The following GCNT4 variants were observed in gnomAD, a reference collection of about 807,000 sequenced individuals.
GCNT4 encodes beta-1,3-galactosyl-O-glycosyl-glycoprotein beta-1,6-N-acetylglucosaminyltransferase 4.
GCNT4 carries 17 observed loss-of-function variants against 31.3 expected under a neutral mutation model. That is an observed-to-expected ratio of 0.54 (90% CI 0.37 to 0.81). GCNT4 has a LOEUF of 0.81. Ranked by LOEUF, GCNT4 falls within the 40% of genes least tolerant of loss-of-function variation. The pLI, the probability that GCNT4 is intolerant of heterozygous loss-of-function variation, is 0.00. For synonymous variants in GCNT4, 158 were observed against 190.6 expected, an observed-to-expected ratio of 0.83 and a Z score of 1.41; for missense variants, 503 against 525.5, an observed-to-expected ratio of 0.96 and a Z score of 0.42.
chr5:75,052,132 A>T (rs1047586743), intron 2 of GCNT4, 37 bp downstream of exon 2: 15 of 151,968 alleles, frequency 9.9e-5, no homozygotes, highest in Admixed American at 3.9e-4. Flanking sequence ...ATGTTTTATG[A>T]ATGCAAGATC....
downstream of GCNT4, among the ~76,000 whole-genome samples, chr5:75,021,475 A>C (rs1742880000): frequency 6.6e-6 from 1 of 152,192 alleles, no homozygotes; most frequent in South Asian, 2.1e-4. Context: ...AGTAGCCAGG[A>C]GGGCTCTTTG....
intron 3 of GCNT4, among the ~76,000 whole-genome samples, chr5:75,036,981 A>G (rs116430926): frequency 0.019 from 2,941 of 152,318 alleles, 103 homozygotes; most frequent in African/African-American, 0.065. Context: ...AGGCCACCTT[A>G]AAGTTCTTAA....
rs73765649 is a variant in GCNT4 at position 75,031,587 on chromosome 5, T to C, written c.-1-1549A>G. On this transcript the variant is annotated intron_variant, in intron 3 of 3. Transcript: ENST00000652361. ...CAGCTGTAGTGTTTCCAAAAGGATA[T>C]TGTATACACACAACACTGGTAACGG... is the stretch of plus-strand genomic sequence containing the variant. Among the ~76,000 whole-genome samples, 1,515 of 152,282 alleles carry C rather than the reference T, an allele frequency of 9.9e-3. 17 individuals are homozygous for C. The highest frequency in any genetic ancestry group is 0.032 in the African/African-American group (1,350 of 41,554).
chr5:75,025,914 T>C lies in GCNT4; in HGVS notation c.*2762A>G, dbSNP rs1036507637. 12 of 152,100 alleles carry C rather than the reference T, an allele frequency of 7.9e-5. No homozygotes were observed. Among genetic ancestry groups the C allele is most frequent in the Non-Finnish European group, 1.6e-4 (11 of 68,008 alleles). 9.4% of individuals were successfully genotyped at this position (152,100 alleles called of 1,614,324 possible). A position where few individuals can be genotyped will look rare whatever the true frequency, so the allele number is the denominator to read the frequency against. On this transcript the variant is annotated 3_prime_UTR_variant, in exon 4 of 4. Transcript: ENST00000652361. ...TAACTTAAAGTCTAGATTCAATAAA[T>C]ACAAAGAATAATTATAAAACACAGA...
At chr5:75,042,498 T>A (rs927659367) in intron 3 of GCNT4, among the ~76,000 whole-genome samples, 1 of 152,184 alleles carries the variant, frequency 6.6e-6, no homozygotes, top group Non-Finnish European at 1.5e-5. Context: ...GAGGTATGGG[T>A]AACTGATTTC....
Position 75,028,314 on chromosome 5 carries a change from T to C in GCNT4, c.*362A>G, listed in dbSNP as rs758393170. Reference sequence around the variant, plus strand: ...AACTTCAAAAGCTTCTTCAGTAGAATCCTGACTGTTATGTGGAGAACTTAA... The same window carrying C: ...AACTTCAAAAGCTTCTTCAGTAGAACCCTGACTGTTATGTGGAGAACTTAA... On this transcript the variant is annotated 3_prime_UTR_variant, in exon 4 of 4. Transcript: ENST00000652361. 3 of 197,348 alleles carry C rather than the reference T, an allele frequency of 1.5e-5. No homozygotes were observed. Among genetic ancestry groups the C allele is most frequent in the African/African-American group, 2.4e-5 (1 of 42,302 alleles). 12.2% of individuals were successfully genotyped at this position (197,348 alleles called of 1,614,324 possible). A position where few individuals can be genotyped will look rare whatever the true frequency, so the allele number is the denominator to read the frequency against.
Position 75,028,620 on chromosome 5 carries a change from A to T in GCNT4, c.*56T>A. The T allele has an allele frequency of 6.6e-7, 1 of 1,508,926 alleles. No homozygotes were observed. The highest frequency in any genetic ancestry group is 9.0e-7 in the Non-Finnish European group (1 of 1,109,978). The allele number at this position is 1,508,926 out of a possible 1,614,324, so 93.5% of individuals were successfully genotyped here. ...AGTATTGGGCATAGTATGGTATTCA[A>T]TTCCACACTGACTCCATTTATCAGG... On this transcript the variant is annotated 3_prime_UTR_variant, in exon 4 of 4. Transcript: ENST00000652361.
At chr5:75,053,243 G>A (rs538788631), upstream of GCNT4, among the ~76,000 whole-genome samples, 1 of 151,966 alleles carries the variant, frequency 6.6e-6, no homozygotes, top group Non-Finnish European at 1.5e-5. Context: ...GGCCCGTGAC[G>A]CTGTGTCCGT....
intron 3 of GCNT4, among the ~76,000 whole-genome samples, chr5:75,034,818 A>G (rs1235980009): frequency 6.6e-6 from 1 of 152,260 alleles, no homozygotes. Context: ...TGAATGAGGC[A>G]TTTCCCTCAA....
chr5:75,040,575 T>C (rs1044959376), intron 3 of GCNT4, among the ~76,000 whole-genome samples: 6 of 152,194 alleles, frequency 3.9e-5, no homozygotes, highest in African/African-American at 1.4e-4. Context: ...ATGTGTTAAA[T>C]GGGATAATGT....
At position 75,025,870 on chromosome 5, in the gene GCNT4, T is replaced by C. The variant is rs1742936804; in HGVS notation, c.*2806A>G. On this transcript the variant is annotated 3_prime_UTR_variant, in exon 4 of 4. Transcript: ENST00000652361. Reference sequence around the variant, plus strand: ...CACATACAGTTTAGAAACTCTAAGGTTCTGGTCTGATCTCTGAATAACTTA... The same window carrying C: ...CACATACAGTTTAGAAACTCTAAGGCTCTGGTCTGATCTCTGAATAACTTA... 6.6e-6 allele frequency: 1 copy of C among 152,204 alleles called. No homozygotes were observed. The highest frequency in any genetic ancestry group is 1.5e-5 in the Non-Finnish European group (1 of 68,054). The allele number at this position is 152,204 out of a possible 1,614,324, so 9.4% of individuals were successfully genotyped here. A position where few individuals can be genotyped will look rare whatever the true frequency, so the allele number is the denominator to read the frequency against.
At chr5:75,053,811 G>A (rs1389638153), upstream of GCNT4, among the ~76,000 whole-genome samples, 11 of 152,178 alleles carry the variant, frequency 7.2e-5, no homozygotes, top group Non-Finnish European at 2.9e-5. Context: ...AGGCGCGCGC[G>A]GTGATCTCGG....
chr5:75,017,732 C>A, the GCNT4 span, among the ~76,000 whole-genome samples: 1 of 152,144 alleles, frequency 6.6e-6, no homozygotes, highest in Non-Finnish European at 1.5e-5. Flanking sequence ...CGTGACCATG[C>A]CGCACCTTCC....
At chr5:75,038,588 C>T (rs1743250118) in intron 3 of GCNT4, among the ~76,000 whole-genome samples, 1 of 152,220 alleles carries the variant, frequency 6.6e-6, no homozygotes, top group African/African-American at 2.4e-5. Context: ...TCGGTGAGGG[C>T]TGCCCTCTGC....
At position 75,026,605 on chromosome 5, in the gene GCNT4, C is replaced by G. The variant is rs1742948836; in HGVS notation, c.*2071G>C. 7.6e-6 allele frequency: 1 copy of G among 132,168 alleles called. No homozygotes were observed. The highest frequency in any genetic ancestry group is 1.5e-5 in the Non-Finnish European group (1 of 64,992). The allele number at this position is 132,168 out of a possible 1,614,324, so 8.2% of individuals were successfully genotyped here. A position where few individuals can be genotyped will look rare whatever the true frequency, so the allele number is the denominator to read the frequency against. On this transcript the variant is annotated 3_prime_UTR_variant, in exon 4 of 4. Coordinates refer to ENST00000652361, the MANE Select transcript of GCNT4 (RefSeq NM_001366737.1). ...ACATTGAAATGTCAATAGTTTGTAC[C>G]TATTTTCAAACCACTTCATATACTA...
At chr5:75,017,747 G>A in the GCNT4 span, among the ~76,000 whole-genome samples, 9 of 152,110 alleles carry the variant, frequency 5.9e-5, no homozygotes, top group Non-Finnish European at 1.0e-4. Flanking sequence ...CCTTCCGCCC[G>A]CCAGGAATCT....
In GCNT4 at chr5:75,045,976, G is replaced by GGATGTTCAATTCAATGAAT. The variant is rs984935974; in HGVS notation, c.-2+1902_-2+1920dup. Among the ~76,000 whole-genome samples, 27 of 152,138 alleles carry GGATGTTCAATTCAATGAAT rather than the reference G, an allele frequency of 1.8e-4. No homozygotes were observed. The East Asian group carries it at 4.0e-3, about 23-fold the overall frequency. On this transcript the variant is annotated intron_variant, in intron 3 of 3. Transcript: ENST00000652361. ...GGATTTTCTTGCCATGATGTTGAATGGATGTTCAATTCAATGAATGATGTT... is the reference window on the plus strand; with the variant it reads ...GGATTTTCTTGCCATGATGTTGAATGGATGTTCAATTCAATGAATGATGTTCAATTCAATGAATGATGTT...
Position 75,029,911 on chromosome 5 carries a change from T to C in GCNT4, c.127A>G (p.Ile43Val), listed in dbSNP as rs749607540. The C allele has an allele frequency of 7.4e-6, 12 of 1,614,162 alleles. No individual in the cohort carries two copies. Among genetic ancestry groups the C allele is most frequent in the Non-Finnish European group, 1.0e-5 (12 of 1,180,006 alleles). The change falls in exon 4 of 4, where the codon ATT (isoleucine) becomes GTT (valine). Residue 43 changes from isoleucine (I) to valine (V), a missense_variant. Physicochemically the swap from Ile to Val is conservative, Grantham distance 29. Coordinates refer to ENST00000652361, the MANE Select transcript of GCNT4 (RefSeq NM_001366737.1). ...CTTAGGGAGTACTCAACCAAGTAAA[T>C]GTCTTTTTGCGGAAAGAGTCGTCTC... ...NVRRLFPQKD[I>V]YLVEYSLSTS...
chr5:75,024,155 G>T (rs551881554), downstream of GCNT4, among the ~76,000 whole-genome samples: 13 of 152,228 alleles, frequency 8.5e-5, no homozygotes, highest in South Asian at 8.3e-4. Flanking sequence ...CCCAATTTAG[G>T]TGTAGATTTG....
Sources: allele counts gnomAD v4.1 joint callset (sites outside exome capture counted in the v4.1 genomes callset), GRCh38; gene constraint gnomAD v4.1.1; transcripts MANE v1.5; gene names NCBI Gene and HGNC (gene_info 2026-07-23, HGNC 2026-07-21).